KLF12: variants seen among roughly 807,000 people sequenced by gnomAD.
KLF12 encodes the protein KLF transcription factor 12, also known as Krueppel-like factor 12.
KLF12 carries 9 observed loss-of-function variants against 37.8 expected under a neutral mutation model. The ratio of observed to expected loss-of-function variants is 0.24; its 90% CI spans 0.14 to 0.42. The LOEUF (loss-of-function observed/expected upper bound fraction) is 0.42, where lower values mean the gene tolerates loss of function less well. Among genes scored for constraint, KLF12 ranks in the 10% least tolerant of loss-of-function variants. The pLI, the probability that KLF12 is intolerant of heterozygous loss-of-function variation, is 1.00. For missense variants in KLF12, 411 were observed against 516.0 expected (o/e 0.80, Z 1.97); for synonymous variants, 208 against 202.1 (o/e 1.03, Z -0.25).
the KLF12 span, among the ~76,000 whole-genome samples, chr13:74,253,220 A>T: frequency 2.0e-5 from 3 of 152,194 alleles, no homozygotes; most frequent in Non-Finnish European, 2.9e-5. Context: ...ACATTTTTAA[A>T]AAGTATAGTC....
At chr13:74,252,911 A>G in the KLF12 span, among the ~76,000 whole-genome samples, 3 of 152,166 alleles carry the variant, frequency 2.0e-5, no homozygotes, top group Non-Finnish European at 4.4e-5. Flanking sequence ...TCCGGTCTAG[A>G]TTATCCCTAT....
chr13:74,247,502 T>A, the KLF12 span, among the ~76,000 whole-genome samples: 2 of 152,242 alleles, frequency 1.3e-5, no homozygotes, highest in African/African-American at 4.8e-5. Flanking sequence ...GCCCTAAGTA[T>A]CCTACCTGAT....
the KLF12 span, among the ~76,000 whole-genome samples, chr13:74,170,913 A>G: frequency 3.7e-4 from 56 of 152,026 alleles, no homozygotes; most frequent in Non-Finnish European, 6.6e-4. Flanking sequence ...TGCAGGTGTG[A>G]GCCACCATGC....
intron 1 of KLF12, among the ~76,000 whole-genome samples, chr13:74,068,747 G>C (rs1219179894): frequency 6.6e-6 from 1 of 151,934 alleles, no homozygotes; most frequent in African/African-American, 2.4e-5. Context: ...AGTAGAGACT[G>C]GGTTTCACCA....
intron 3 of KLF12, among the ~76,000 whole-genome samples, chr13:73,887,569 G>T (rs1594213621): frequency 6.6e-6 from 1 of 152,128 alleles, no homozygotes; most frequent in Non-Finnish European, 1.5e-5. Context: ...CTGAGCAGAT[G>T]TTGGTGCCAT....
rs372208612 is a variant in KLF12, at chr13:73,910,027, C to T, written c.123+33954G>A. Among the ~76,000 whole-genome samples, 19 of 152,138 alleles carry T rather than the reference C, an allele frequency of 1.2e-4. No homozygotes were observed. In the South Asian group the frequency reaches 3.3e-3, roughly 27 times the overall value. On this transcript the variant is annotated intron_variant, in intron 3 of 7. Transcript: ENST00000377669. ...ATGTGAGCAGAACAGAATTATTAGC[C>T]TCATTGATAAATTGATATGCAGGAG...
At chr13:74,141,415 T>A in the KLF12 span, among the ~76,000 whole-genome samples, 1 of 151,924 alleles carries the variant, frequency 6.6e-6, no homozygotes, top group Non-Finnish European at 1.5e-5. Context: ...GGAAATAAAA[T>A]AAAATGAAAA....
intron 3 of KLF12, among the ~76,000 whole-genome samples, chr13:73,928,698 G>A (rs1323395062): frequency 6.6e-6 from 1 of 152,158 alleles, no homozygotes; most frequent in Non-Finnish European, 1.5e-5. Flanking sequence ...TCCCATGACT[G>A]TCTTACCTAA....
intron 1 of KLF12, among the ~76,000 whole-genome samples, chr13:74,113,111 A>C (rs947839153): frequency 2.0e-5 from 3 of 152,124 alleles, no homozygotes; most frequent in African/African-American, 7.2e-5. Flanking sequence ...GGAGGTGAGA[A>C]AGTTGCGTTG....
At chr13:74,069,641 T>C (rs538884048) in intron 1 of KLF12, among the ~76,000 whole-genome samples, 2 of 152,308 alleles carry the variant, frequency 1.3e-5, no homozygotes, top group East Asian at 3.9e-4. Flanking sequence ...ATCAGACATA[T>C]TTTAGCATAG....
At chr13:73,895,083 C>T (rs1181795148) in intron 3 of KLF12, among the ~76,000 whole-genome samples, 1 of 152,140 alleles carries the variant, frequency 6.6e-6, no homozygotes, top group Non-Finnish European at 1.5e-5. Flanking sequence ...ATTTATGAAC[C>T]ACATAATTAC....
At chr13:74,233,429 C>T in the KLF12 span, among the ~76,000 whole-genome samples, 1 of 152,084 alleles carries the variant, frequency 6.6e-6, no homozygotes, top group Non-Finnish European at 1.5e-5. Context: ...CACGAGAGTG[C>T]CTCGGGACAA....
chr13:74,193,968 T>C, the KLF12 span, among the ~76,000 whole-genome samples: 2 of 152,238 alleles, frequency 1.3e-5, no homozygotes, highest in East Asian at 3.8e-4. Flanking sequence ...AAGTGGATGG[T>C]GATCTTTTGT....
intron 1 of KLF12, among the ~76,000 whole-genome samples, chr13:74,083,459 A>G (rs1875050157): frequency 6.7e-6 from 1 of 149,544 alleles, no homozygotes; most frequent in African/African-American, 2.5e-5. Flanking sequence ...CTGAACCGTG[A>G]TTGTGCCATT....
chr13:74,164,045 C>A, the KLF12 span, among the ~76,000 whole-genome samples: 13 of 152,166 alleles, frequency 8.5e-5, no homozygotes, highest in African/African-American at 3.1e-4. Context: ...CTGGCCATTG[C>A]TTTCTAGTGA....
At chr13:73,958,643 T>C (rs1386042028) in intron 2 of KLF12, among the ~76,000 whole-genome samples, 3 of 152,172 alleles carry the variant, frequency 2.0e-5, no homozygotes, top group East Asian at 1.9e-4. Flanking sequence ...GTGGATTGTA[T>C]TCTATATCTC....
intron 2 of KLF12, among the ~76,000 whole-genome samples, chr13:73,992,969 C>T (rs1853739): frequency 0.016 from 2,371 of 152,278 alleles, 68 homozygotes; most frequent in African/African-American, 0.054. Context: ...CAGTCACTCA[C>T]GCCTGTAATC....
chr13:74,118,134 G>A, intron 1 of KLF12, among the ~76,000 whole-genome samples: 1 of 152,122 alleles, frequency 6.6e-6, no homozygotes, highest in Non-Finnish European at 1.5e-5. Flanking sequence ...ATATATTAAA[G>A]TATTTATGGG....
the KLF12 span, among the ~76,000 whole-genome samples, chr13:74,169,685 T>A: frequency 1.3e-5 from 2 of 152,184 alleles, no homozygotes; most frequent in African/African-American, 4.8e-5. Context: ...TCATACTGTG[T>A]AAATTAAGTA....
Sources: gnomAD v4.1 joint callset for allele counts (sites outside exome capture counted in the v4.1 genomes callset) on GRCh38, gnomAD v4.1.1 for gene constraint, MANE v1.5 for transcripts, NCBI Gene and HGNC (gene_info 2026-07-23, HGNC 2026-07-21) for gene names.